Variants in GNG12 observed in about 807,000 individuals in gnomAD.
The protein encoded by GNG12 is guanine nucleotide-binding protein G(I)/G(S)/G(O) subunit gamma-12.
For missense variants in GNG12, 69 were observed against 83.8 expected, an observed-to-expected ratio of 0.82 and a Z score of 0.69; for synonymous variants, 28 against 29.7, an observed-to-expected ratio of 0.94 and a Z score of 0.19.
At position 67,812,555 on chromosome 1, in the gene GNG12, G is replaced by T. The variant is rs555149963; in HGVS notation, c.-77+20789C>A. ...AGCTAACTTTCATCTTGAGAGGTAGGAGGGGAGGAGATAAGACTTAGAGTG... is the reference window on the plus strand; with the variant it reads ...AGCTAACTTTCATCTTGAGAGGTAGTAGGGGAGGAGATAAGACTTAGAGTG... On this transcript the variant is annotated intron_variant, in intron 1 of 3. Transcript: ENST00000370982. Among the ~76,000 whole-genome samples the T allele has an allele frequency of 5.9e-5, 9 of 152,274 alleles. 2 individuals are homozygous for T. The highest frequency in any genetic ancestry group is 2.2e-4 in the African/African-American group (9 of 41,556).
chr1:67,756,183 C>G (rs1646567199), intron 2 of GNG12, among the ~76,000 whole-genome samples: 1 of 152,112 alleles, frequency 6.6e-6, no homozygotes, highest in Admixed American at 6.5e-5. Flanking sequence ...ATAGAGATTC[C>G]AAGGCCAGAC....
At chr1:67,829,935 T>A (rs1228807763) in intron 1 of GNG12, among the ~76,000 whole-genome samples, 1 of 152,026 alleles carries the variant, frequency 6.6e-6, no homozygotes, top group African/African-American at 2.4e-5. Flanking sequence ...TCAGCCCAAT[T>A]CTGTGCACCT....
intron 2 of GNG12, among the ~76,000 whole-genome samples, chr1:67,761,356 T>G (rs1646603148): frequency 6.6e-6 from 1 of 152,210 alleles, no homozygotes; most frequent in South Asian, 2.1e-4. Flanking sequence ...GTTTAAAAGA[T>G]TTCCAAGATA....
intron 2 of GNG12, among the ~76,000 whole-genome samples, chr1:67,730,683 T>C (rs917817386): frequency 1.3e-5 from 2 of 152,244 alleles, no homozygotes; most frequent in African/African-American, 4.8e-5. Flanking sequence ...GCTGGCTGTG[T>C]ATTTCACTTA....
At chr1:67,800,325 T>C (rs1162483225) in intron 1 of GNG12, among the ~76,000 whole-genome samples, 1 of 152,218 alleles carries the variant, frequency 6.6e-6, no homozygotes, top group Admixed American at 6.5e-5. Flanking sequence ...TGGTGGCAGA[T>C]ACAAGTATTC....
intron 1 of GNG12, among the ~76,000 whole-genome samples, chr1:67,784,889 T>A (rs17130279): frequency 0.016 from 2,462 of 152,322 alleles, 79 homozygotes; most frequent in African/African-American, 0.056. Context: ...CAAAGTCAAT[T>A]TATATCCACG....
At chr1:67,771,207 C>T (rs1050744091) in intron 2 of GNG12, among the ~76,000 whole-genome samples, 13 of 152,212 alleles carry the variant, frequency 8.5e-5, no homozygotes, top group Admixed American at 6.5e-4. Flanking sequence ...ACTGGTGAGT[C>T]ACATTGTACA....
At chr1:67,714,827 AATGATTGGCATCCTT>A (rs1422790282) in intron 2 of GNG12, among the ~76,000 whole-genome samples, 1 of 152,186 alleles carries the variant, frequency 6.6e-6, no homozygotes, top group Non-Finnish European at 1.5e-5. Flanking sequence ...ATTAATCCAA[AATGATTGGCATCCTT>A]ATGAGAACGA....
At chr1:67,720,663 T>TA (rs1646351611) in intron 2 of GNG12, among the ~76,000 whole-genome samples, 1 of 152,242 alleles carries the variant, frequency 6.6e-6, no homozygotes, top group Non-Finnish European at 1.5e-5. Flanking sequence ...ACATCCCTGA[T>TA]AAAGGCATTA....
intron 2 of GNG12, 75 bp from the exon 3 acceptor site, chr1:67,707,787 C>G: frequency 1.4e-6 from 1 of 720,070 alleles, no homozygotes. Context: ...ATATGTTCTA[C>G]TTAAAGGGAA....
At chr1:67,709,900 ATT>A (rs565013095) in intron 2 of GNG12, among the ~76,000 whole-genome samples, 1 of 105,682 alleles carries the variant, frequency 9.5e-6, no homozygotes, top group African/African-American at 4.3e-5. Flanking sequence ...TTATATATAT[ATT>A]TTTATATAGT....
intron 2 of GNG12, among the ~76,000 whole-genome samples, chr1:67,773,548 C>G (rs1646686646): frequency 6.6e-6 from 1 of 152,064 alleles, no homozygotes; most frequent in Admixed American, 6.5e-5. Flanking sequence ...ACTGAATGTT[C>G]CAGTATAAGA....
chr1:67,738,173 C>T (rs1360879947), intron 2 of GNG12, among the ~76,000 whole-genome samples: 1 of 152,096 alleles, frequency 6.6e-6, no homozygotes, highest in Admixed American at 6.6e-5. Flanking sequence ...CTGGGCCCAC[C>T]TCAGCCTCTC....
chr1:67,808,939 T>A (rs954067845), intron 1 of GNG12, among the ~76,000 whole-genome samples: 1 of 152,100 alleles, frequency 6.6e-6, no homozygotes, highest in Non-Finnish European at 1.5e-5. Flanking sequence ...ATAAACAAAC[T>A]GAATCTAAAG....
intron 1 of GNG12, among the ~76,000 whole-genome samples, chr1:67,790,458 C>T (rs1479419934): frequency 6.6e-6 from 1 of 152,190 alleles, no homozygotes; most frequent in East Asian, 1.9e-4. Flanking sequence ...GATTTAAAGG[C>T]AGCTCAGGGC....
intron 3 of GNG12, among the ~76,000 whole-genome samples, chr1:67,706,100 C>T (rs567056134): frequency 1.3e-5 from 2 of 152,242 alleles, no homozygotes; most frequent in South Asian, 4.1e-4. Context: ...ACAGTGCAAG[C>T]AAGTACATGT....
At chr1:67,768,770 C>A (rs1036029862) in intron 2 of GNG12, among the ~76,000 whole-genome samples, 1 of 152,228 alleles carries the variant, frequency 6.6e-6, no homozygotes, top group Non-Finnish European at 1.5e-5. Context: ...TCTGCCCACA[C>A]TAAGCCACTT....
At chr1:67,816,300 C>T (rs186663328) in intron 1 of GNG12, among the ~76,000 whole-genome samples, 189 of 152,138 alleles carry the variant, frequency 1.2e-3, no homozygotes, top group African/African-American at 4.5e-3. Flanking sequence ...GAGCATAGAG[C>T]GTGCTCCTGG....
intron 1 of GNG12, among the ~76,000 whole-genome samples, chr1:67,805,474 G>A (rs945739840): frequency 6.6e-6 from 1 of 152,168 alleles, no homozygotes; most frequent in Non-Finnish European, 1.5e-5. Context: ...AATAATGTAA[G>A]TAGAAATATG....
Sources: gnomAD v4.1 joint callset for allele counts (sites outside exome capture counted in the v4.1 genomes callset) on GRCh38, gnomAD v4.1.1 for gene constraint, MANE v1.5 for transcripts, NCBI Gene and HGNC (gene_info 2026-07-23, HGNC 2026-07-21) for gene names.